AGBL1: variants seen among roughly 807,000 people sequenced by gnomAD.
AGBL1 encodes the protein AGBL carboxypeptidase 1, also known as cytosolic carboxypeptidase 4.
AGBL1 carries 130 observed loss-of-function variants against 118.9 expected under a neutral mutation model. That is an observed-to-expected ratio of 1.09 (90% CI 0.95 to 1.26). The LOEUF is 1.26. Among genes scored for constraint, AGBL1 ranks in the 50% most tolerant of loss-of-function variants. The probability of loss-of-function intolerance (pLI) is 0.00; values close to 1 mark genes in which losing one functional copy is unlikely to be tolerated. For missense variants in AGBL1, 1,584 were observed against 1,298.1 expected (o/e 1.22, Z -3.38); for synonymous variants, 555 against 478.9 (o/e 1.16, Z -2.08).
intron 23 of AGBL1, among the ~76,000 whole-genome samples, chr15:86,984,241 G>T (rs888489963): frequency 1.3e-5 from 2 of 152,080 alleles, no homozygotes; most frequent in Non-Finnish European, 2.9e-5. Flanking sequence ...ATTTCTTGAG[G>T]ACTAATGATG....
intron 22 of AGBL1, among the ~76,000 whole-genome samples, chr15:86,681,318 A>G (rs934955202): frequency 6.6e-6 from 1 of 152,100 alleles, no homozygotes; most frequent in African/African-American, 2.4e-5. Flanking sequence ...CCTATTCCTC[A>G]TCTTTCATGA....
At chr15:86,712,569 CAG>C (rs2142692871) in intron 22 of AGBL1, among the ~76,000 whole-genome samples, 1 of 152,048 alleles carries the variant, frequency 6.6e-6, no homozygotes, top group African/African-American at 2.4e-5. Context: ...GTTAATACAG[CAG>C]AGAAAAAAAA....
At chr15:86,877,335 C>G (rs1312183477) in intron 22 of AGBL1, among the ~76,000 whole-genome samples, 2 of 152,088 alleles carry the variant, frequency 1.3e-5, no homozygotes, top group Admixed American at 1.3e-4. Flanking sequence ...GTGGATAGCA[C>G]CAAACTGAAG....
At chr15:86,929,496 C>A (rs558235692) in intron 23 of AGBL1, among the ~76,000 whole-genome samples, 1 of 152,184 alleles carries the variant, frequency 6.6e-6, no homozygotes, top group Non-Finnish European at 1.5e-5. Context: ...ATTTTCACCA[C>A]CTTTGCCTAC....
intron 17 of AGBL1, among the ~76,000 whole-genome samples, chr15:86,382,329 A>G (rs2081123987): frequency 6.6e-6 from 1 of 152,208 alleles, no homozygotes; most frequent in Non-Finnish European, 1.5e-5. Flanking sequence ...GCAAGCAGCA[A>G]AAGACTTTGT....
chr15:86,480,943 C>T (rs1331185084), intron 18 of AGBL1, among the ~76,000 whole-genome samples: 4 of 151,916 alleles, frequency 2.6e-5, no homozygotes, highest in African/African-American at 9.7e-5. Context: ...GAAGCTTATT[C>T]CAATAGCAAA....
In AGBL1 at chr15:86,252,184, C is replaced by G. The variant is rs375825620; in HGVS notation, c.735+4305C>G. Among the ~76,000 whole-genome samples, 29 of 152,298 alleles carry G rather than the reference C, an allele frequency of 1.9e-4. No homozygotes were observed. The South Asian group carries it at 5.4e-3, about 28-fold the overall frequency. On this transcript the variant is annotated intron_variant, in intron 7 of 22. Coordinates refer to ENST00000614907, the MANE Select transcript of AGBL1 (RefSeq NM_001386094.1). ...ACTTTGAGAACCACTGGAATAAGAA[C>G]TGATATGGCCTTTTAAAAGTCACAG...
intron 21 of AGBL1, among the ~76,000 whole-genome samples, chr15:86,575,188 C>T (rs907903096): frequency 2.6e-5 from 4 of 150,950 alleles, no homozygotes; most frequent in Non-Finnish European, 5.9e-5. Context: ...GACTCTGTCT[C>T]AAAAGAAAGA....
intron 21 of AGBL1, among the ~76,000 whole-genome samples, chr15:86,673,102 TTTA>T (rs1379831884): frequency 6.6e-6 from 1 of 152,208 alleles, no homozygotes; most frequent in African/African-American, 2.4e-5. Flanking sequence ...ATTATTATTT[TTTA>T]TTTAGGTCAA....
chr15:86,898,123 C>A (rs1400546519), intron 22 of AGBL1, among the ~76,000 whole-genome samples: 1 of 151,926 alleles, frequency 6.6e-6, no homozygotes, highest in Non-Finnish European at 1.5e-5. Flanking sequence ...GAAAGATGCA[C>A]AAAATAGCAG....
intron 22 of AGBL1, among the ~76,000 whole-genome samples, chr15:86,834,503 T>A (rs1395176111): frequency 6.6e-6 from 1 of 152,198 alleles, no homozygotes; most frequent in Non-Finnish European, 1.5e-5. Flanking sequence ...CTCTTAGGGA[T>A]AAATTAGGAT....
At chr15:86,981,161 G>A (rs1168572702) in intron 23 of AGBL1, among the ~76,000 whole-genome samples, 1 of 151,966 alleles carries the variant, frequency 6.6e-6, no homozygotes, top group African/African-American at 2.4e-5. Context: ...TGCTGGGATT[G>A]CAAAAACATT....
At chr15:86,759,357 A>T (rs1385616688) in intron 22 of AGBL1, among the ~76,000 whole-genome samples, 1 of 152,098 alleles carries the variant, frequency 6.6e-6, no homozygotes, top group East Asian at 1.9e-4. Context: ...CAAAATATTT[A>T]GTTGCCCTCT....
intron 22 of AGBL1, among the ~76,000 whole-genome samples, chr15:86,795,646 G>A (rs1162510659): frequency 2.7e-5 from 4 of 149,916 alleles, no homozygotes; most frequent in East Asian, 2.0e-4. Context: ...GTGCAATGGC[G>A]CGATCTCAGT....
At chr15:86,603,798 C>T (rs768605447) in intron 21 of AGBL1, among the ~76,000 whole-genome samples, 9 of 152,174 alleles carry the variant, frequency 5.9e-5, no homozygotes, top group Non-Finnish European at 1.0e-4. Context: ...CCAGAGGGCC[C>T]TGTGGACATT....
chr15:86,383,097 A>G (rs1030629464), intron 17 of AGBL1, among the ~76,000 whole-genome samples: 4 of 151,880 alleles, frequency 2.6e-5, no homozygotes, highest in East Asian at 3.9e-4. Context: ...ATGGCTCAGG[A>G]CTGTCATTTC....
At chr15:86,742,050 C>CT (rs2077687467) in intron 22 of AGBL1, among the ~76,000 whole-genome samples, 1 of 151,064 alleles carries the variant, frequency 6.6e-6, no homozygotes, top group South Asian at 2.1e-4. Flanking sequence ...GAAGGGTAAG[C>CT]TTTTTTGTGT....
chr15:86,290,298 G>C (rs2079522967), intron 16 of AGBL1, among the ~76,000 whole-genome samples: 1 of 148,346 alleles, frequency 6.7e-6, no homozygotes, highest in Admixed American at 6.7e-5. Flanking sequence ...TTTTCTGTTT[G>C]ATTTGGGGGC....
intron 23 of AGBL1, among the ~76,000 whole-genome samples, chr15:86,939,943 C>A (rs2080728136): frequency 6.6e-6 from 1 of 151,086 alleles, no homozygotes; most frequent in Non-Finnish European, 1.5e-5. Flanking sequence ...CCAGGTGGAA[C>A]CATTATTGAT....
Sources: gnomAD v4.1 joint callset for allele counts (sites outside exome capture counted in the v4.1 genomes callset) on GRCh38, gnomAD v4.1.1 for gene constraint, MANE v1.5 for transcripts, NCBI Gene and HGNC (gene_info 2026-07-23, HGNC 2026-07-21) for gene names.